Variants in C2CD2 observed in about 807,000 individuals in gnomAD.
C2CD2 encodes the protein C2 calcium dependent domain containing 2.
A neutral mutation model predicts 74.3 loss-of-function variants in C2CD2; 43 were observed. The observed-to-expected ratio is 0.58, with a 90% CI of 0.45 to 0.75. C2CD2 has a LOEUF of 0.75. C2CD2 is among the 30% of genes least tolerant of loss of function. C2CD2 has a pLI of 0.00. For missense variants in C2CD2, 801 were observed against 916.3 expected (o/e 0.87, Z 1.63); for synonymous variants, 422 against 390.7 (o/e 1.08, Z -0.94).
chr21:41,899,402 A>C lies in C2CD2; in HGVS notation c.1561-40T>G. ...GGGGAAGATGACAAGGGATACATGA[A>C]AGGAAGGGAGGGTTTGAAAAGAACT... On this transcript the variant is annotated intron_variant, in intron 12 of 13. Coordinates refer to ENST00000380486, the MANE Select transcript of C2CD2 (RefSeq NM_015500.2). The surrounding 1 kb of genome is among the most constrained non-coding windows in gnomAD (Gnocchi z 4.4). 6.4e-7 allele frequency: 1 copy of C among 1,568,192 alleles called. No individual in the cohort carries two copies. Among genetic ancestry groups the C allele is most frequent in the African/African-American group, 1.3e-5 (1 of 74,354 alleles).
chr21:41,886,003 AAC>A lies in C2CD2; in HGVS notation c.*3119_*3120del, dbSNP rs529945987. 46 of 152,498 alleles carry A rather than the reference AAC, an allele frequency of 3.0e-4. No individual in the cohort carries two copies. The highest frequency in any genetic ancestry group is 1.1e-3 in the African/African-American group (46 of 41,556). 9.4% of individuals were successfully genotyped at this position (152,498 alleles called of 1,614,324 possible). ...GGCTACTTTTTGTTATTGCTACAAT[AAC>A]ACACGCGTGTGTGCAAACACACATA... On this transcript the variant is annotated 3_prime_UTR_variant, in exon 14 of 14. Coordinates refer to ENST00000380486, the MANE Select transcript of C2CD2 (RefSeq NM_015500.2).
chr21:41,942,731 G>A (rs1281754773), intron 1 of C2CD2, among the ~76,000 whole-genome samples: 1 of 152,164 alleles, frequency 6.6e-6, no homozygotes, highest in Non-Finnish European at 1.5e-5. Flanking sequence ...GCGTGTGGTT[G>A]CTGTGGTACG....
chr21:41,936,739 T>C (rs1323788756), intron 2 of C2CD2, among the ~76,000 whole-genome samples: 1 of 151,848 alleles, frequency 6.6e-6, no homozygotes, highest in African/African-American at 2.4e-5. Context: ...ACGATGAGGA[T>C]GAAGACCTTT....
At position 41,895,986 on chromosome 21, in the gene C2CD2, T is replaced by C. The variant is rs2064817619; in HGVS notation, c.1870+3067A>G. Among the ~76,000 whole-genome samples the C allele has an allele frequency of 6.6e-6, 1 of 152,200 alleles. No homozygotes were observed. The highest frequency in any genetic ancestry group is 2.1e-4 in the South Asian group (1 of 4,824). On this transcript the variant is annotated intron_variant, in intron 13 of 13. Coordinates refer to ENST00000380486, the MANE Select transcript of C2CD2 (RefSeq NM_015500.2). The surrounding 1 kb of genome is among the most constrained non-coding windows in gnomAD (Gnocchi z 5.0). Reference sequence around the variant, plus strand: ...CTGTGGGTGTCACAGCGAGGTCGCCTGGCCACATCAGGTACCAGAGCGAGC... The same window carrying C: ...CTGTGGGTGTCACAGCGAGGTCGCCCGGCCACATCAGGTACCAGAGCGAGC...
chr21:41,912,092 C>T (rs2065032351), intron 7 of C2CD2: 6 of 443,156 alleles, frequency 1.4e-5, no homozygotes, highest in Admixed American at 3.9e-5. Flanking sequence ...TAAGAGACCC[C>T]ACGATGGCTC....
rs1211378905 is a variant in C2CD2 at position 41,954,012 on chromosome 21, A to C, written c.-364T>G. On this transcript the variant is annotated 5_prime_UTR_variant, in exon 1 of 14. Coordinates refer to ENST00000380486, the MANE Select transcript of C2CD2 (RefSeq NM_015500.2). ...CCCGCGGCCCAGCGGTGGCCGGAGGAGGCTCTGGCCGCGGGGCGGGGCGGG... is the reference window on the plus strand; with the variant it reads ...CCCGCGGCCCAGCGGTGGCCGGAGGCGGCTCTGGCCGCGGGGCGGGGCGGG... 1 of 146,364 alleles carries C rather than the reference A, an allele frequency of 6.8e-6. No individual in the cohort carries two copies. Among genetic ancestry groups the C allele is most frequent in the Non-Finnish European group, 1.5e-5 (1 of 65,862 alleles). 9.1% of individuals were successfully genotyped at this position (146,364 alleles called of 1,614,324 possible).
intron 2 of C2CD2, among the ~76,000 whole-genome samples, chr21:41,934,306 C>G (rs916952896): frequency 2.0e-5 from 3 of 152,014 alleles, no homozygotes; most frequent in African/African-American, 7.3e-5. Context: ...GCTGCATGTC[C>G]GTAGTCCCAG....
rs116105857 is a variant in C2CD2, at chr21:41,940,318, G to C, written c.378+1829C>G. Among the ~76,000 whole-genome samples, 1,378 of 152,206 alleles carry C rather than the reference G, an allele frequency of 9.1e-3. 22 individuals are homozygous for C. Among genetic ancestry groups the C allele is most frequent in the African/African-American group, 0.031 (1,305 of 41,494 alleles). On this transcript the variant is annotated intron_variant, in intron 2 of 13. Coordinates refer to ENST00000380486, the MANE Select transcript of C2CD2 (RefSeq NM_015500.2). ...GAAAAGAACTACAAAAACCAACCTG[G>C]AGAAGTCTCAAAATTACGGTGATCT... is the stretch of plus-strand genomic sequence containing the variant.
At chr21:41,935,699 A>C (rs35290376) in intron 2 of C2CD2, among the ~76,000 whole-genome samples, 42,791 of 152,008 alleles carry the variant, frequency 0.28, 6,694 homozygotes, top group Non-Finnish European at 0.35. Flanking sequence ...TAAAAATACA[A>C]AAATTCACAG....
rs576349715 is a variant in C2CD2, at chr21:41,952,045, T to C, written c.279+1325A>G. Among the ~76,000 whole-genome samples, 9 of 152,210 alleles carry C rather than the reference T, an allele frequency of 5.9e-5. No individual in the cohort carries two copies. The East Asian group carries it at 1.7e-3, about 29-fold the overall frequency. On this transcript the variant is annotated intron_variant, in intron 1 of 13. Coordinates refer to ENST00000380486, the MANE Select transcript of C2CD2 (RefSeq NM_015500.2). The stretch of plus-strand genomic sequence containing the variant: ...CAGTGATGGCAGCTTCCTGGGGAAA[T>C]ACCTGCATTTGCTCCTGGATGTGAG...
At chr21:41,917,630 G>A (rs937614992) in intron 5 of C2CD2, among the ~76,000 whole-genome samples, 1 of 152,204 alleles carries the variant, frequency 6.6e-6, no homozygotes, top group African/African-American at 2.4e-5. Flanking sequence ...CAGGTGATAT[G>A]GAAAAGGGGG....
Position 41,940,988 on chromosome 21 carries a change from G to GATA in C2CD2, c.378+1156_378+1158dup, listed in dbSNP as rs113364514. Reference sequence around the variant, plus strand: ...AGCCCAAGAGTAAGAAATATATAATGATAATAATAATAATAATAATAACAA... The same window carrying GATA: ...AGCCCAAGAGTAAGAAATATATAATGATAATAATAATAATAATAATAATAACAA... On this transcript the variant is annotated intron_variant, in intron 2 of 13. Transcript: ENST00000380486. Among the ~76,000 whole-genome samples, 940 of 150,974 alleles carry GATA rather than the reference G, an allele frequency of 6.2e-3. 5 individuals carry two copies. The highest frequency in any genetic ancestry group is 0.021 in the African/African-American group (866 of 41,192).
intron 2 of C2CD2, among the ~76,000 whole-genome samples, chr21:41,933,997 T>C (rs1409257323): frequency 6.6e-6 from 1 of 152,230 alleles, no homozygotes; most frequent in East Asian, 1.9e-4. Context: ...CCGAGAACAC[T>C]GTTAACAGCA....
rs181746551 is a variant in C2CD2, at chr21:41,949,755, T to C, written c.279+3615A>G. On this transcript the variant is annotated intron_variant, in intron 1 of 13. Transcript: ENST00000380486. The stretch of plus-strand genomic sequence containing the variant: ...AACCAACCCAAATGCCCATCAATGA[T>C]AGACTGGATTAAGAAAATGTGGCAC... Among the ~76,000 whole-genome samples, 131 of 152,312 alleles carry C rather than the reference T, an allele frequency of 8.6e-4. No homozygotes were observed. The East Asian group carries it at 0.014, about 17-fold the overall frequency.
chr21:41,947,232 A>G (rs953714470), intron 1 of C2CD2, among the ~76,000 whole-genome samples: 1 of 146,916 alleles, frequency 6.8e-6, no homozygotes, highest in African/African-American at 2.5e-5. Flanking sequence ...ATCTCGGCTC[A>G]CTGCAACCTC....
At position 41,901,745 on chromosome 21, in the gene C2CD2, C is replaced by T. The variant is rs377529540; in HGVS notation, c.1437G>A (p.Leu479=). The change falls in exon 12 of 14, where the codon TTG becomes TTA. Residue 479 remains leucine (L), a synonymous_variant. Coordinates refer to ENST00000380486, the MANE Select transcript of C2CD2 (RefSeq NM_015500.2). ...SKTLSSSDTE[L]LVLNGSDPVA... ...CTGGATCCGAACCATTCAACACCAA[C>T]AATTCTACCAGAAGGAAGGCAGTGT... 3.1e-6 allele frequency: 5 copies of T among 1,613,936 alleles called. No homozygotes were observed. The African/African-American group carries it at 6.7e-5, about 22-fold the overall frequency.
chr21:41,898,960 G>C (rs2064856263), intron 13 of C2CD2, 93 bp downstream of exon 13: 2 of 948,212 alleles, frequency 2.1e-6, no homozygotes, highest in African/African-American at 3.4e-5. Flanking sequence ...AGGGGACAAA[G>C]GGAAGGAAGG....
rs1435366630 is a variant in C2CD2, at chr21:41,923,481, G to A, written c.379-1396C>T. Among the ~76,000 whole-genome samples the A allele has an allele frequency of 2.0e-5, 3 of 152,166 alleles. No homozygotes were observed. The highest frequency in any genetic ancestry group is 7.2e-5 in the African/African-American group (3 of 41,444). On this transcript the variant is annotated intron_variant, in intron 2 of 13. Transcript: ENST00000380486. This position sits in a 1 kb window ranked among gnomAD's most constrained non-coding sequence, Gnocchi z 5.8. ...AAAAAAAGTTTTCTTAAATTACCCA[G>A]AACACAATGGGTTGCTTCCACCTAA...
intron 2 of C2CD2, among the ~76,000 whole-genome samples, chr21:41,930,919 T>G (rs1412555821): frequency 6.7e-6 from 1 of 149,906 alleles, no homozygotes; most frequent in Non-Finnish European, 1.5e-5. Flanking sequence ...AGGGAAGGGC[T>G]GTGGCTGAAC....
Sources: allele counts gnomAD v4.1 joint callset (sites outside exome capture counted in the v4.1 genomes callset), GRCh38; gene constraint gnomAD v4.1.1; non-coding constraint Gnocchi (gnomAD v3.1); transcripts MANE v1.5; gene names NCBI Gene and HGNC (gene_info 2026-07-23, HGNC 2026-07-21).